Variants in UGT1A5 observed in about 807,000 individuals in gnomAD.
UGT1A5 encodes the protein UDP-glucuronosyltransferase 1A5.
A neutral mutation model predicts 40.3 loss-of-function variants in UGT1A5; 29 were observed. The ratio of observed to expected loss-of-function variants is 0.72; its 90% CI spans 0.54 to 0.98. UGT1A5 has a LOEUF of 0.98. Ranked by LOEUF, UGT1A5 falls within the 50% of genes least tolerant of loss-of-function variation. The probability of loss-of-function intolerance (pLI) is 0.00; values close to 1 mark genes in which losing one functional copy is unlikely to be tolerated. For synonymous variants in UGT1A5, 257 were observed against 262.5 expected (o/e 0.98, Z 0.20); for missense variants, 678 against 677.9 (o/e 1.00, Z 0.00).
At chr2:233,741,092 C>G (rs1056351038) in intron 1 of UGT1A5, among the ~76,000 whole-genome samples, 2 of 151,810 alleles carry the variant, frequency 1.3e-5, no homozygotes, top group African/African-American at 4.9e-5. Flanking sequence ...AACAAACAAG[C>G]AAACAGACAA....
At chr2:233,772,152 T>C (rs1386097688) in intron 4 of UGT1A5, 110 bp from the exon 5 acceptor site, 1 of 1,556,926 alleles carries the variant, frequency 6.4e-7, no homozygotes, top group African/African-American at 1.4e-5. Flanking sequence ...ACAGGTTTCC[T>C]TTCCCAAGTT....
chr2:233,760,886 AT>A (rs763109127), intron 1 of UGT1A5: 1 of 1,613,934 alleles, frequency 6.2e-7, no homozygotes, highest in East Asian at 2.2e-5. Context: ...CTCTCCTCTC[AT>A]TCAGATCACA....
At chr2:233,748,027 A>C in intron 1 of UGT1A5, 1 of 1,613,516 alleles carries the variant, frequency 6.2e-7, no homozygotes, top group Non-Finnish European at 8.5e-7. Flanking sequence ...ATCATGCCCA[A>C]CATGGTCTTC....
intron 1 of UGT1A5, 60 bp downstream of exon 1, chr2:233,713,918 A>G (rs1452399293): frequency 2.5e-6 from 4 of 1,612,224 alleles, no homozygotes; most frequent in Non-Finnish European, 3.4e-6. Context: ...TAAAAAATGT[A>G]TTTACTTACA....
At chr2:233,734,724 C>T (rs548738202) in intron 1 of UGT1A5, among the ~76,000 whole-genome samples, 2 of 150,850 alleles carry the variant, frequency 1.3e-5, no homozygotes, top group East Asian at 4.1e-4. Flanking sequence ...TCTTTGTTCT[C>T]GTCGGTTTCA....
intron 1 of UGT1A5, chr2:233,718,879 T>G: frequency 6.2e-7 from 1 of 1,613,960 alleles, no homozygotes; most frequent in Non-Finnish European, 8.5e-7. Context: ...CTGCTCCTCC[T>G]CAGTGTCCAG....
At chr2:233,716,884 C>G (rs1681391448) in intron 1 of UGT1A5, among the ~76,000 whole-genome samples, 2 of 152,140 alleles carry the variant, frequency 1.3e-5, no homozygotes, top group African/African-American at 4.8e-5. Flanking sequence ...CTGTGCAGCC[C>G]AGACCCCTCC....
At chr2:233,724,199 C>T (rs1410873416) in intron 1 of UGT1A5, among the ~76,000 whole-genome samples, 7 of 127,042 alleles carry the variant, frequency 5.5e-5, no homozygotes, top group African/African-American at 1.3e-4. Context: ...GGTGGCTGGC[C>T]GGGCTGAGGG....
intron 1 of UGT1A5, chr2:233,729,086 A>G: frequency 6.2e-7 from 1 of 1,612,434 alleles, no homozygotes; most frequent in African/African-American, 1.3e-5. Flanking sequence ...TAGCAGGCAC[A>G]GCGTGGGGTG....
chr2:233,727,363 C>T (rs2077609679), intron 1 of UGT1A5, among the ~76,000 whole-genome samples: 1 of 152,076 alleles, frequency 6.6e-6, no homozygotes, highest in Non-Finnish European at 1.5e-5. Flanking sequence ...TCCTTAGGGC[C>T]CCTAGGTCTC....
At chr2:233,748,205 G>C in intron 1 of UGT1A5, 1 of 1,514,056 alleles carries the variant, frequency 6.6e-7, no homozygotes, top group South Asian at 1.3e-5. Flanking sequence ...TGTCGTAATA[G>C]CCTTCAGTGA....
chr2:233,752,553 G>A (rs189829864), intron 1 of UGT1A5: 3 of 152,252 alleles, frequency 2.0e-5, no homozygotes, highest in East Asian at 1.9e-4. Flanking sequence ...CTCTTGCTGG[G>A]ACAACATAGT....
rs751107175 is a variant in UGT1A5, at chr2:233,761,195, A to G, written c.868-5839A>G. On this transcript the variant is annotated intron_variant, in intron 1 of 4. Coordinates refer to ENST00000373414, the MANE Select transcript of UGT1A5 (RefSeq NM_019078.2). ...CTTTTACATGCGTATATTCTTTCAG[A>G]TGTATTACTTTGGATCGATTAACTA... The G allele has an allele frequency of 4.3e-6, 7 of 1,613,994 alleles. No individual in the cohort carries two copies. The African/African-American group carries it at 8.0e-5, about 18-fold the overall frequency.
Position 233,772,442 on chromosome 2 carries a change from C to T in UGT1A5, c.1488C>T (p.Leu496=), listed in dbSNP as rs1249728637. The T allele has an allele frequency of 1.2e-6, 2 of 1,614,208 alleles. No individual in the cohort carries two copies. Among genetic ancestry groups the T allele is most frequent in the Admixed American group, 3.3e-5 (2 of 60,020 alleles). ...ATTCCTTGGACGTGATTGGTTTCCTCTTGGCCGTCGTGCTGACAGTGGCCT... is the reference window on the plus strand; with the variant it reads ...ATTCCTTGGACGTGATTGGTTTCCTTTTGGCCGTCGTGCTGACAGTGGCCT... ...QYHSLDVIGF[L]LAVVLTVAFI... Residue 496 remains leucine, a synonymous_variant, in exon 5 of 5, where the codon CTC becomes CTT. Coordinates refer to ENST00000373414, the MANE Select transcript of UGT1A5 (RefSeq NM_019078.2).
chr2:233,713,138 G>T lies in UGT1A5; in HGVS notation c.147G>T (p.Arg49=), dbSNP rs753871977. ...SHWLSMREAL[R]DLHARGHQVV... is the part of the protein sequence containing the mutation. ...GGCTCAGCATGCGGGAGGCCTTGCG[G>T]GACCTCCATGCGAGAGGCCACCAGG... Residue 49 remains arginine, a synonymous_variant, in exon 1 of 5, where the codon CGG becomes CGT. Transcript: ENST00000373414. 1.9e-5 allele frequency: 31 copies of T among 1,614,080 alleles called. No individual in the cohort carries two copies. The highest frequency in any genetic ancestry group is 2.5e-5 in the Non-Finnish European group (30 of 1,180,052).
At chr2:233,734,262 T>A (rs1260850291) in intron 1 of UGT1A5, among the ~76,000 whole-genome samples, 1 of 152,214 alleles carries the variant, frequency 6.6e-6, no homozygotes, top group Admixed American at 6.5e-5. Flanking sequence ...GGAGGGTGTA[T>A]GTGTCCAGGA....
chr2:233,723,945 C>G (rs1475718921), intron 1 of UGT1A5, among the ~76,000 whole-genome samples: 64 of 52,096 alleles, frequency 1.2e-3, no homozygotes, highest in Non-Finnish European at 1.5e-3. Flanking sequence ...TACACAGACA[C>G]GGCAACCATC....
chr2:233,735,208 T>C (rs1197807314), intron 1 of UGT1A5, among the ~76,000 whole-genome samples: 1 of 152,228 alleles, frequency 6.6e-6, no homozygotes, highest in Non-Finnish European at 1.5e-5. Flanking sequence ...CTGTATTGGG[T>C]GCATATATAT....
At chr2:233,767,806 A>G in intron 2 of UGT1A5, 43 bp from the exon 3 acceptor site, 1 of 1,614,116 alleles carries the variant, frequency 6.2e-7, no homozygotes, top group Non-Finnish European at 8.5e-7. Flanking sequence ...TTCTAATCAT[A>G]TTATGTTCTT....
Sources: allele counts gnomAD v4.1 joint callset (sites outside exome capture counted in the v4.1 genomes callset), GRCh38; gene constraint gnomAD v4.1.1; transcripts MANE v1.5; gene names NCBI Gene and HGNC (gene_info 2026-07-23, HGNC 2026-07-21).